FNBP1: variants seen among roughly 807,000 people sequenced by gnomAD.
FNBP1 encodes formin binding protein 1, also known as formin-binding protein 1.
FNBP1 carries 26 observed loss-of-function variants against 90.6 expected under a neutral mutation model. That is an observed-to-expected ratio of 0.29 (90% confidence interval 0.21 to 0.40). The LOEUF (loss-of-function observed/expected upper bound fraction) is 0.40, where lower values mean the gene tolerates loss of function less well. Among genes scored for constraint, FNBP1 ranks in the 10% least tolerant of loss-of-function variants. The pLI is 1.00. For missense variants in FNBP1, 635 were observed against 768.0 expected (o/e 0.83, Z 2.05); for synonymous variants, 260 against 265.2 (o/e 0.98, Z 0.19).
chr9:129,939,416 TATCAC>T (rs1405277959), intron 6 of FNBP1, among the ~76,000 whole-genome samples: 1 of 152,050 alleles, frequency 6.6e-6, no homozygotes, highest in African/African-American at 2.4e-5. Flanking sequence ...TTGCATATGT[TATCAC>T]ATGTTATTCA....
chr9:129,984,287 A>G lies in FNBP1; in HGVS notation c.141-4913T>C, dbSNP rs73672530. The stretch of plus-strand genomic sequence containing the variant: ...GCAGAAAATAAAAAAAATAAAAAAA[A>G]TGAAGAAAGGAGTCTAATCTCAGTC... On this transcript the variant is annotated intron_variant, in intron 2 of 16. Transcript: ENST00000446176. Among the ~76,000 whole-genome samples, 767 of 152,294 alleles carry G rather than the reference A, an allele frequency of 5.0e-3. 9 individuals carry two copies. Among genetic ancestry groups the G allele is most frequent in the African/African-American group, 0.017 (727 of 41,562 alleles).
intron 6 of FNBP1, among the ~76,000 whole-genome samples, chr9:129,932,955 C>T (rs889052734): frequency 5.3e-5 from 8 of 152,016 alleles, no homozygotes; most frequent in Non-Finnish European, 8.8e-5. Flanking sequence ...TGTATCATTT[C>T]GCTATGAATG....
chr9:129,958,464 T>C, intron 5 of FNBP1, 27 bp downstream of exon 5: 1 of 1,554,276 alleles, frequency 6.4e-7, no homozygotes, highest in Middle Eastern at 1.7e-4. Flanking sequence ...ATAAAGCCGT[T>C]TCTTTTGCTG....
chr9:130,046,399 C>T (rs1356865607), upstream of FNBP1, among the ~76,000 whole-genome samples: 3 of 151,840 alleles, frequency 2.0e-5, no homozygotes, highest in African/African-American at 4.8e-5. Flanking sequence ...CTCCAAAAAA[C>T]AAAGTTCTGA....
intron 6 of FNBP1, among the ~76,000 whole-genome samples, chr9:129,945,381 TA>T (rs574941643): frequency 4.6e-5 from 7 of 151,788 alleles, no homozygotes; most frequent in Admixed American, 2.0e-4. Flanking sequence ...ACTTCCTTTT[TA>T]AAAAAAAATG....
rs201856845 is a variant in FNBP1 at position 130,037,354 on chromosome 9, GAAAAAGA to G, written c.24+5591_24+5597del. Among the ~76,000 whole-genome samples, 399 of 151,828 alleles carry G rather than the reference GAAAAAGA, an allele frequency of 2.6e-3. 5 individuals are homozygous for G. Among genetic ancestry groups the G allele is most frequent in the East Asian group, 0.022 (115 of 5,186 alleles). ...GGGTGACTGAGCAAAACTCCATCTC[GAAAAAGA>G]AAAAAGAAAAAAGAGCAGTAGAAGA... is the stretch of plus-strand genomic sequence containing the variant. On this transcript the variant is annotated intron_variant, in intron 1 of 16. Transcript: ENST00000446176.
chr9:129,928,141 A>G (rs1277275492), intron 7 of FNBP1, among the ~76,000 whole-genome samples: 1 of 152,226 alleles, frequency 6.6e-6, no homozygotes, highest in Non-Finnish European at 1.5e-5. Context: ...AATTGGACTC[A>G]AAGTTGCAAA....
chr9:129,942,067 T>G (rs2044406155), intron 6 of FNBP1, among the ~76,000 whole-genome samples: 1 of 143,686 alleles, frequency 7.0e-6, no homozygotes, highest in Non-Finnish European at 1.5e-5. Flanking sequence ...AGACTCTGTC[T>G]CCAAAAAAAA....
At chr9:129,947,866 C>T (rs1037583958) in intron 6 of FNBP1, among the ~76,000 whole-genome samples, 17 of 151,878 alleles carry the variant, frequency 1.1e-4, no homozygotes, top group African/African-American at 2.7e-4. Flanking sequence ...AGGTAATCTG[C>T]GTGCCTCAGC....
At chr9:129,891,734 T>G (rs1474467308) in intron 16 of FNBP1, among the ~76,000 whole-genome samples, 3 of 152,016 alleles carry the variant, frequency 2.0e-5, no homozygotes, top group Non-Finnish European at 1.5e-5. Context: ...GTGCCATCAT[T>G]TAAAGGAGGA....
chr9:129,976,709 C>A (rs1297467326), intron 4 of FNBP1, among the ~76,000 whole-genome samples: 2 of 152,162 alleles, frequency 1.3e-5, no homozygotes, highest in Non-Finnish European at 2.9e-5. Context: ...ATGAGCATAT[C>A]AGAAATCCTA....
chr9:130,011,828 A>G (rs1224281315), intron 1 of FNBP1, among the ~76,000 whole-genome samples: 1 of 152,244 alleles, frequency 6.6e-6, no homozygotes, highest in African/African-American at 2.4e-5. Context: ...TATTATAGAT[A>G]TATCAATCCT....
At chr9:129,960,181 A>G (rs1326813747) in intron 4 of FNBP1, among the ~76,000 whole-genome samples, 2 of 151,910 alleles carry the variant, frequency 1.3e-5, no homozygotes, top group African/African-American at 4.8e-5. Flanking sequence ...GTTTGAGACT[A>G]GCCTGGCCAA....
At chr9:129,933,950 TTC>T (rs2043100116) in intron 6 of FNBP1, among the ~76,000 whole-genome samples, 2 of 152,220 alleles carry the variant, frequency 1.3e-5, no homozygotes, top group Admixed American at 6.6e-5. Context: ...GAAAATCTAT[TTC>T]TGTTTAGCAA....
chr9:129,932,413 T>C (rs1372527759), intron 6 of FNBP1, among the ~76,000 whole-genome samples: 3 of 152,170 alleles, frequency 2.0e-5, no homozygotes, highest in African/African-American at 7.2e-5. Flanking sequence ...ATTGGTTTCC[T>C]GCCTATGTGA....
chr9:129,929,793 G>A (rs1453404925), intron 6 of FNBP1, 98 bp from the exon 7 acceptor site: 8 of 1,145,984 alleles, frequency 7.0e-6, no homozygotes, highest in Non-Finnish European at 1.0e-5. Context: ...GGGATGCCTA[G>A]GGGCCAGATT....
chr9:129,919,266 A>G, intron 10 of FNBP1: 1 of 1,172,284 alleles, frequency 8.5e-7, no homozygotes, highest in Non-Finnish European at 1.1e-6. Context: ...GCAAGAGAAC[A>G]AGATAAAATA....
At chr9:129,919,389 A>G in intron 10 of FNBP1, 1 of 352,616 alleles carries the variant, frequency 2.8e-6, no homozygotes, top group Non-Finnish European at 5.5e-6. Context: ...AAAATATGAA[A>G]AACGTACATC....
chr9:129,897,185 T>C (rs1357859281), intron 15 of FNBP1, among the ~76,000 whole-genome samples: 1 of 152,200 alleles, frequency 6.6e-6, no homozygotes. Context: ...CTCTCCTTTT[T>C]GTTCCTGGCT....
Sources: gnomAD v4.1 joint callset for allele counts (sites outside exome capture counted in the v4.1 genomes callset) on GRCh38, gnomAD v4.1.1 for gene constraint, MANE v1.5 for transcripts, NCBI Gene and HGNC (gene_info 2026-07-23, HGNC 2026-07-21) for gene names.